Variants in WDR7 observed in about 807,000 individuals in gnomAD.
WDR7 encodes the protein WD repeat domain 7, also known as WD repeat-containing protein 7.
A neutral mutation model predicts 169.4 loss-of-function variants in WDR7; 46 were observed. The ratio of observed to expected loss-of-function variants is 0.27; its 90% CI spans 0.21 to 0.35. The LOEUF (loss-of-function observed/expected upper bound fraction) is 0.35. WDR7 is among the 10% of genes least tolerant of loss of function. The pLI, the probability that WDR7 is intolerant of heterozygous loss-of-function variation, is 1.00. For synonymous variants in WDR7, 612 were observed against 666.8 expected (o/e 0.92, Z 1.27); for missense variants, 1,534 against 1,859.3 (o/e 0.83, Z 3.22).
intron 22 of WDR7, among the ~76,000 whole-genome samples, chr18:56,933,141 C>G (rs1265280580): frequency 6.6e-6 from 1 of 152,118 alleles, no homozygotes. Context: ...TTTCTCTTAG[C>G]ACCTAGGGAG....
chr18:56,700,565 C>CTT (rs71169389), intron 12 of WDR7, among the ~76,000 whole-genome samples: 20 of 115,834 alleles, frequency 1.7e-4, no homozygotes, highest in African/African-American at 6.4e-4. Context: ...AATATTGTTT[C>CTT]TTTTTTTTTT....
intron 16 of WDR7, among the ~76,000 whole-genome samples, chr18:56,760,994 T>C (rs2043972796): frequency 6.6e-6 from 1 of 152,188 alleles, no homozygotes; most frequent in Non-Finnish European, 1.5e-5. Context: ...GATTACTCAT[T>C]TCTATATTTT....
At chr18:56,940,743 T>C (rs941650714) in intron 25 of WDR7, among the ~76,000 whole-genome samples, 1 of 152,192 alleles carries the variant, frequency 6.6e-6, no homozygotes, top group Non-Finnish European at 1.5e-5. Context: ...GGGCTTATTT[T>C]ACTGAATTTT....
intron 13 of WDR7, among the ~76,000 whole-genome samples, chr18:56,719,943 G>T (rs1174083926): frequency 6.6e-6 from 1 of 152,152 alleles, no homozygotes; most frequent in Non-Finnish European, 1.5e-5. Flanking sequence ...ATGTGTATGT[G>T]TGTGCAATTG....
At chr18:56,715,238 A>C (rs904787664) in intron 12 of WDR7, among the ~76,000 whole-genome samples, 14 of 152,298 alleles carry the variant, frequency 9.2e-5, no homozygotes, top group African/African-American at 3.4e-4. Context: ...AGAGAGAGAG[A>C]GTATGCGTAG....
intron 22 of WDR7, among the ~76,000 whole-genome samples, chr18:56,930,492 A>G (rs1008316519): frequency 2.0e-5 from 3 of 152,206 alleles, no homozygotes; most frequent in African/African-American, 7.2e-5. Context: ...ATTCACTGTA[A>G]TTGTATTTAG....
downstream of WDR7, chr18:57,034,446 A>G (rs2048456619): frequency 6.6e-6 from 1 of 152,134 alleles, no homozygotes; most frequent in Non-Finnish European, 1.5e-5. Context: ...TCTGCATCCC[A>G]AAGAACCCAC....
At chr18:56,841,759 G>C (rs2045489665) in intron 20 of WDR7, among the ~76,000 whole-genome samples, 1 of 152,086 alleles carries the variant, frequency 6.6e-6, no homozygotes, top group South Asian at 2.1e-4. Flanking sequence ...ATCTATTCTT[G>C]ACATTTTTAA....
chr18:56,714,767 T>C (rs571788716), intron 12 of WDR7, among the ~76,000 whole-genome samples: 2 of 152,280 alleles, frequency 1.3e-5, no homozygotes, highest in South Asian at 4.1e-4. Context: ...TTTTCATTAT[T>C]ACACTATGTG....
At chr18:56,792,763 TTAAC>T (rs1255338219) in intron 19 of WDR7, among the ~76,000 whole-genome samples, 5 of 136,486 alleles carry the variant, frequency 3.7e-5, no homozygotes, top group Non-Finnish European at 7.8e-5. Context: ...ATTATTTTCT[TTAAC>T]ACACACACAC....
At chr18:56,968,795 C>G (rs1023055428) in intron 26 of WDR7, among the ~76,000 whole-genome samples, 3 of 152,146 alleles carry the variant, frequency 2.0e-5, no homozygotes, top group Non-Finnish European at 4.4e-5. Flanking sequence ...ACTGACTTCC[C>G]TCTCTCTCAA....
intron 19 of WDR7, among the ~76,000 whole-genome samples, chr18:56,785,834 T>C (rs2044390926): frequency 6.6e-6 from 1 of 151,076 alleles, no homozygotes; most frequent in Non-Finnish European, 1.5e-5. Flanking sequence ...CTTTTTCTTT[T>C]TTTTTTTTTT....
At chr18:56,676,023 A>G (rs1334590629) in intron 2 of WDR7, among the ~76,000 whole-genome samples, 1 of 151,930 alleles carries the variant, frequency 6.6e-6, no homozygotes, top group Non-Finnish European at 1.5e-5. Flanking sequence ...TGTTAGCTCT[A>G]ATAATATTTG....
chr18:56,675,934 T>C (rs978073560), intron 2 of WDR7, among the ~76,000 whole-genome samples: 4 of 152,038 alleles, frequency 2.6e-5, no homozygotes, highest in African/African-American at 9.7e-5. Context: ...ATCCTCCTGC[T>C]TCATCCTCTT....
intron 12 of WDR7, among the ~76,000 whole-genome samples, chr18:56,707,790 T>C (rs1269750734): frequency 7.2e-5 from 11 of 152,214 alleles, no homozygotes; most frequent in Admixed American, 3.9e-4. Flanking sequence ...GAAGGTTAGG[T>C]TTCTCTGCGT....
At chr18:56,662,339 G>A (rs551980398) in intron 1 of WDR7, among the ~76,000 whole-genome samples, 1 of 152,170 alleles carries the variant, frequency 6.6e-6, no homozygotes, top group Non-Finnish European at 1.5e-5. Flanking sequence ...ATACTAGTTT[G>A]TATATAATCT....
the WDR7 span, chr18:57,036,324 G>A: frequency 6.6e-6 from 1 of 152,290 alleles, no homozygotes; most frequent in South Asian, 2.1e-4. Context: ...CCTGCTACAG[G>A]AATTGCTTGA....
At chr18:56,811,028 A>G (rs1397404733) in intron 19 of WDR7, among the ~76,000 whole-genome samples, 1 of 152,212 alleles carries the variant, frequency 6.6e-6, no homozygotes, top group Non-Finnish European at 1.5e-5. Context: ...TTTCATGTAA[A>G]TGGAATCATA....
chr18:57,006,720 G>A (rs959888803), intron 26 of WDR7, among the ~76,000 whole-genome samples: 1 of 152,170 alleles, frequency 6.6e-6, no homozygotes, highest in African/African-American at 2.4e-5. Flanking sequence ...TAGTAGTAAA[G>A]TATCCAGCAT....
Sources: allele counts gnomAD v4.1 joint callset (sites outside exome capture counted in the v4.1 genomes callset), GRCh38; gene constraint gnomAD v4.1.1; transcripts MANE v1.5; gene names NCBI Gene and HGNC (gene_info 2026-07-23, HGNC 2026-07-21).